The following AP3B1 variants were observed in gnomAD, a reference collection of about 807,000 sequenced individuals.
AP3B1 encodes AP-3 complex subunit beta-1.
Under a neutral mutation model 132.5 loss-of-function variants are expected in AP3B1, and 61 were observed. The ratio of observed to expected loss-of-function variants is 0.46; its 90% confidence interval spans 0.37 to 0.57. The LOEUF is 0.57. Ranked by LOEUF, AP3B1 falls within the 20% of genes least tolerant of loss-of-function variation. The pLI is 0.00. For missense variants in AP3B1, 1,120 were observed against 1,289.4 expected (o/e 0.87, Z 2.01); for synonymous variants, 388 against 438.3 (o/e 0.89, Z 1.43).
At chr5:78,114,111 C>T (rs377744002) in intron 18 of AP3B1, among the ~76,000 whole-genome samples, 188 bp from the exon 19 acceptor site, 1 of 152,140 alleles carries the variant, frequency 6.6e-6, no homozygotes, top group Admixed American at 6.5e-5. Flanking sequence ...GCACTGTGAG[C>T]TTGGAGGGAG....
At chr5:78,151,828 T>TTCCC (rs1260380848) in intron 14 of AP3B1, among the ~76,000 whole-genome samples, 1 of 135,398 alleles carries the variant, frequency 7.4e-6, no homozygotes, top group Non-Finnish European at 1.6e-5. Context: ...CCTTCCTTCC[T>TTCCC]TCCCTCCCCT....
At chr5:78,085,095 A>G (rs1001894477) in intron 22 of AP3B1, among the ~76,000 whole-genome samples, 3 of 152,250 alleles carry the variant, frequency 2.0e-5, no homozygotes, top group Non-Finnish European at 4.4e-5. Flanking sequence ...ACATGAGATT[A>G]CCTGGTCAAA....
intron 13 of AP3B1, among the ~76,000 whole-genome samples, chr5:78,158,070 A>G (rs1480621153): frequency 6.6e-6 from 1 of 152,186 alleles, no homozygotes; most frequent in Non-Finnish European, 1.5e-5. Context: ...ACTGAAATGT[A>G]TTTTTTATAA....
At chr5:78,029,664 A>C (rs1393397602) in intron 24 of AP3B1, among the ~76,000 whole-genome samples, 1 of 151,986 alleles carries the variant, frequency 6.6e-6, no homozygotes, top group Non-Finnish European at 1.5e-5. Context: ...TTTATTTTAA[A>C]TTATTATTAT....
chr5:78,032,793 T>C (rs1198018852), intron 24 of AP3B1, among the ~76,000 whole-genome samples: 2 of 152,074 alleles, frequency 1.3e-5, no homozygotes, highest in Non-Finnish European at 2.9e-5. Flanking sequence ...ATGCTTTTAA[T>C]AGTCAAGAAC....
intron 6 of AP3B1, among the ~76,000 whole-genome samples, chr5:78,223,568 A>G (rs556633127): frequency 6.6e-6 from 1 of 152,318 alleles, no homozygotes; most frequent in South Asian, 2.1e-4. Flanking sequence ...TTTCTGGTGT[A>G]TTTTGGAAAC....
chr5:78,223,097 C>G (rs1336168919), intron 6 of AP3B1, among the ~76,000 whole-genome samples: 1 of 144,044 alleles, frequency 6.9e-6, no homozygotes, highest in Non-Finnish European at 1.5e-5. Flanking sequence ...TGGACTCAAG[C>G]AATCCATCCA....
chr5:78,228,048 T>G, intron 4 of AP3B1, 96 bp downstream of exon 4: 1 of 775,308 alleles, frequency 1.3e-6, no homozygotes, highest in Non-Finnish European at 2.1e-6. Context: ...GACACTACTG[T>G]GCTATTTAGT....
chr5:78,027,942 A>T (rs1747402764), intron 24 of AP3B1, among the ~76,000 whole-genome samples: 1 of 152,248 alleles, frequency 6.6e-6, no homozygotes, highest in African/African-American at 2.4e-5. Context: ...CCTGGCCAAC[A>T]TGGTGAAACC....
intron 14 of AP3B1, among the ~76,000 whole-genome samples, chr5:78,147,970 T>G (rs577256311): frequency 2.6e-5 from 4 of 151,118 alleles, no homozygotes; most frequent in African/African-American, 9.7e-5. Flanking sequence ...GAGGTGGAGG[T>G]TGCAGTGAGA....
At position 78,227,849 on chromosome 5, in the gene AP3B1, A is replaced by C. The variant is rs189910337; in HGVS notation, c.375+295T>G. ...TCAATTTCATGTTTAAAAATGTCTT[A>C]TAACCCCTTTTGCGTACTTTCAACA... On this transcript the variant is annotated intron_variant, in intron 4 of 26. Transcript: ENST00000255194. 1.0e-3 allele frequency among the ~76,000 whole-genome samples: 159 copies of C among 152,354 alleles called. 1 individual carries two copies. Among genetic ancestry groups the C allele is most frequent in the African/African-American group, 3.7e-3 (155 of 41,592 alleles).
chr5:78,088,910 A>G (rs1319667305), intron 22 of AP3B1: 1 of 157,148 alleles, frequency 6.4e-6, no homozygotes, highest in African/African-American at 2.4e-5. Flanking sequence ...ATAACATTAA[A>G]GAATAATTTT....
intron 26 of AP3B1, among the ~76,000 whole-genome samples, chr5:78,014,438 C>T (rs1353694451): frequency 1.3e-5 from 2 of 152,090 alleles, no homozygotes; most frequent in Non-Finnish European, 2.9e-5. Context: ...GAATGTAAAG[C>T]ACATAAGAAG....
chr5:78,236,755 A>T (rs536492766), intron 3 of AP3B1, among the ~76,000 whole-genome samples: 27 of 152,298 alleles, frequency 1.8e-4, no homozygotes, highest in African/African-American at 6.3e-4. Flanking sequence ...TGATAATACT[A>T]AGACAAGCTT....
chr5:78,122,224 AC>A (rs1752241331), intron 17 of AP3B1, among the ~76,000 whole-genome samples: 1 of 152,202 alleles, frequency 6.6e-6, no homozygotes, highest in South Asian at 2.1e-4. Context: ...TCTATGACAA[AC>A]CCACAGCCAA....
At chr5:78,134,447 T>C (rs567877778) in intron 15 of AP3B1, among the ~76,000 whole-genome samples, 35 of 152,372 alleles carry the variant, frequency 2.3e-4, no homozygotes, top group African/African-American at 6.3e-4. Context: ...CAAACAAATA[T>C]GTTTGGTAAA....
chr5:78,020,568 G>T (rs1465363522), intron 25 of AP3B1, 124 bp downstream of exon 25: 5 of 746,454 alleles, frequency 6.7e-6, no homozygotes, highest in Non-Finnish European at 1.1e-5. Context: ...ACAAAAATTG[G>T]AAGATTGTGC....
chr5:78,255,603 T>C (rs929408543), intron 2 of AP3B1, among the ~76,000 whole-genome samples: 2 of 152,098 alleles, frequency 1.3e-5, no homozygotes, highest in African/African-American at 4.8e-5. Flanking sequence ...AAAGCAAATA[T>C]TATTAGAGCT....
chr5:78,183,857 A>C (rs9716838), intron 7 of AP3B1, among the ~76,000 whole-genome samples: 5,633 of 146,236 alleles, frequency 0.039, 158 homozygotes, highest in East Asian at 0.12. Flanking sequence ...ACAAGAGCAA[A>C]ATTCCATCTT....
Sources: allele counts gnomAD v4.1 joint callset (sites outside exome capture counted in the v4.1 genomes callset), GRCh38; gene constraint gnomAD v4.1.1; transcripts MANE v1.5; gene names NCBI Gene and HGNC (gene_info 2026-07-23, HGNC 2026-07-21).